SGSM1: variants seen among roughly 807,000 people sequenced by gnomAD.
The protein encoded by SGSM1 is small G protein signaling modulator 1.
A neutral mutation model predicts 133.8 loss-of-function variants in SGSM1; 73 were observed. The observed-to-expected ratio is 0.55, with a 90% CI of 0.45 to 0.66. The LOEUF is 0.66. Ranked by LOEUF, SGSM1 falls within the 30% of genes least tolerant of loss-of-function variation. The pLI is 0.00. For missense variants in SGSM1, 1,213 were observed against 1,448.1 expected, an observed-to-expected ratio of 0.84 and a Z score of 2.64; for synonymous variants, 563 against 573.0, an observed-to-expected ratio of 0.98 and a Z score of 0.25.
At chr22:24,902,973 T>C (rs949004689) in intron 20 of SGSM1, among the ~76,000 whole-genome samples, 7 of 151,804 alleles carry the variant, frequency 4.6e-5, no homozygotes, top group Admixed American at 1.3e-4. Context: ...ACCTGGGAGG[T>C]TGAGGCAACA....
At chr22:24,887,328 T>C (rs1489600548) in intron 16 of SGSM1, among the ~76,000 whole-genome samples, 1 of 152,174 alleles carries the variant, frequency 6.6e-6, no homozygotes, top group Non-Finnish European at 1.5e-5. Flanking sequence ...TTTTGTCATC[T>C]CAAGAATGTT....
chr22:24,908,639 A>G (rs1196483340), intron 21 of SGSM1, among the ~76,000 whole-genome samples: 1 of 151,980 alleles, frequency 6.6e-6, no homozygotes, highest in Non-Finnish European at 1.5e-5. Flanking sequence ...TGTCTCTACT[A>G]AAAATACAAA....
rs1047549309 is a variant in SGSM1 at position 24,924,873 on chromosome 22, C to T, written c.*599C>T. ...GGGCCTCACCAGATGCCAGTAGTGC[C>T]ATCCCCCAACCATACCCCTGGTTGT... On this transcript the variant is annotated 3_prime_UTR_variant, in exon 25 of 25. Transcript: ENST00000400358. The T allele has an allele frequency of 2.0e-5, 3 of 152,854 alleles. No individual in the cohort carries two copies. Among genetic ancestry groups the T allele is most frequent in the African/African-American group, 7.2e-5 (3 of 41,448 alleles). The allele number at this position is 152,854 out of a possible 1,614,324, so 9.5% of individuals were successfully genotyped here. A position where few individuals can be genotyped will look rare whatever the true frequency, so the allele number is the denominator to read the frequency against.
At chr22:24,828,663 C>T (rs1471084765) in intron 2 of SGSM1, among the ~76,000 whole-genome samples, 3 of 152,094 alleles carry the variant, frequency 2.0e-5, no homozygotes, top group African/African-American at 7.2e-5. Context: ...TGGAAGACAG[C>T]AATAATTCCT....
intron 2 of SGSM1, among the ~76,000 whole-genome samples, chr22:24,816,194 C>T (rs918261390): frequency 1.3e-4 from 20 of 152,212 alleles, no homozygotes; most frequent in East Asian, 5.8e-4. Context: ...ACAGTAGGTA[C>T]GAGTAGCAAC....
At chr22:24,896,033 A>G (rs970321284) in intron 18 of SGSM1, among the ~76,000 whole-genome samples, 3 of 152,154 alleles carry the variant, frequency 2.0e-5, no homozygotes, top group African/African-American at 7.2e-5. Flanking sequence ...TGGGTGACAG[A>G]GTGAAACCCT....
intron 17 of SGSM1, among the ~76,000 whole-genome samples, chr22:24,893,979 C>T (rs899887667): frequency 2.0e-5 from 3 of 152,246 alleles, no homozygotes; most frequent in Admixed American, 2.0e-4. Context: ...TATTGAGTAT[C>T]TACTATGTGC....
intron 24 of SGSM1, among the ~76,000 whole-genome samples, chr22:24,922,747 A>T (rs1934057771): frequency 6.6e-6 from 1 of 152,162 alleles, no homozygotes; most frequent in African/African-American, 2.4e-5. Flanking sequence ...AAGTTCTGGG[A>T]TTACAGGCGT....
chr22:24,881,410 C>A (rs1379504416), intron 14 of SGSM1, among the ~76,000 whole-genome samples: 1 of 135,034 alleles, frequency 7.4e-6, no homozygotes, highest in Non-Finnish European at 1.6e-5. Flanking sequence ...ACTAAAAATA[C>A]AAAAAATTAG....
At chr22:24,860,108 T>A (rs1931041843) in intron 9 of SGSM1, among the ~76,000 whole-genome samples, 1 of 152,084 alleles carries the variant, frequency 6.6e-6, no homozygotes, top group Admixed American at 6.6e-5. Flanking sequence ...GAGGGAGACA[T>A]CTTTATAGAG....
At chr22:24,861,520 AATTTTATTTATTTATATTTT>A (rs1435797438) in intron 9 of SGSM1, among the ~76,000 whole-genome samples, 3 of 151,554 alleles carry the variant, frequency 2.0e-5, no homozygotes, top group South Asian at 2.1e-4. Flanking sequence ...TAAACATTTT[AATTTTATTTATTTATATTTT>A]ATTTTATTTA....
chr22:24,880,056 G>C (rs1162242700), intron 14 of SGSM1, among the ~76,000 whole-genome samples: 4 of 152,090 alleles, frequency 2.6e-5, no homozygotes, highest in Admixed American at 2.0e-4. Context: ...ACTTGCCTAA[G>C]GTCACACAGC....
In SGSM1 at chr22:24,919,972, G is replaced by T. The variant is rs773450947; in HGVS notation, c.3172G>T (p.Asp1058Tyr). ...IILENNMDFT[D>Y]IIKFFNEMAE... ...TTTGGAGAACAACATGGATTTCACA[G>T]ACATCATCAAATTCTTTAATGGTAC... Residue 1058 changes from aspartate (D) to tyrosine (Y), a missense_variant, in exon 24 of 25, where the codon GAC (aspartate) becomes TAC (tyrosine). Asp to Tyr is a radical substitution (Grantham distance 160). Transcript: ENST00000400358. 158 of 1,608,962 alleles carry T rather than the reference G, an allele frequency of 9.8e-5. No individual in the cohort carries two copies. Among genetic ancestry groups the T allele is most frequent in the Non-Finnish European group, 1.3e-4 (153 of 1,177,626 alleles).
In SGSM1 at chr22:24,898,177, G is replaced by T. The variant is rs776810655; in HGVS notation, c.2228G>T (p.Arg743Leu). The change falls in exon 19 of 25, where the codon CGG becomes CTG. Residue 743 changes from arginine to leucine, a missense_variant. Arg to Leu is a moderately radical substitution (Grantham distance 102). Transcript: ENST00000400358. ...GAAGACAGTGTCTTGGACGCCCAGC[G>T]GAACACCCCCACGGTGCTGCGACCT... ...STEDSVLDAQRNTPTVLRPRD... is the reference protein window; with the variant it reads ...STEDSVLDAQLNTPTVLRPRD... The T allele has an allele frequency of 3.7e-6, 6 of 1,613,984 alleles. No individual in the cohort carries two copies. The highest frequency in any genetic ancestry group is 5.1e-6 in the Non-Finnish European group (6 of 1,179,878).
chr22:24,919,129 G>A (rs8136124), intron 23 of SGSM1, among the ~76,000 whole-genome samples: 43,047 of 144,046 alleles, frequency 0.3, 6,966 homozygotes, highest in East Asian at 0.69. Context: ...GCTTACTGCA[G>A]CCTCCACTTC....
intron 2 of SGSM1, among the ~76,000 whole-genome samples, chr22:24,810,585 A>G (rs1194421330): frequency 1.3e-5 from 2 of 152,198 alleles, no homozygotes; most frequent in East Asian, 1.9e-4. Flanking sequence ...AATGGAAGCA[A>G]AGTGACTAAC....
rs1932476017 is a variant in SGSM1 at position 24,884,101 on chromosome 22, C to T, written c.1544C>T (p.Ala515Val). The T allele has an allele frequency of 6.2e-7, 1 of 1,613,716 alleles. No individual in the cohort carries two copies. The highest frequency in any genetic ancestry group is 1.3e-5 in the African/African-American group (1 of 75,028). ...TCCACCGTGAGAACCCACCTATCAGCCCTGGTCAATCACATGATCGTGTCT... is the reference window on the plus strand; with the variant it reads ...TCCACCGTGAGAACCCACCTATCAGTCCTGGTCAATCACATGATCGTGTCT... ...HLSTVRTHLSALVNHMIVSPD... is the reference protein window; with the variant it reads ...HLSTVRTHLSVLVNHMIVSPD... Residue 515 changes from alanine to valine, a missense_variant, in exon 15 of 25, where the codon GCC becomes GTC. Ala to Val is a moderately conservative substitution (Grantham distance 64, BLOSUM62 0). Coordinates refer to ENST00000400358, the MANE Select transcript of SGSM1 (RefSeq NM_001098497.3).
chr22:24,897,655 G>C (rs537345889), intron 18 of SGSM1, among the ~76,000 whole-genome samples: 1 of 152,192 alleles, frequency 6.6e-6, no homozygotes, highest in South Asian at 2.1e-4. Flanking sequence ...TTTTTGCAGA[G>C]ACCAGGTTTC....
chr22:24,910,360 TA>T (rs111564305), intron 21 of SGSM1, among the ~76,000 whole-genome samples: 6 of 152,150 alleles, frequency 3.9e-5, no homozygotes, highest in African/African-American at 9.6e-5. Flanking sequence ...ATAAACCTGT[TA>T]AAAAAATGGG....
Sources: gnomAD v4.1 joint callset for allele counts (sites outside exome capture counted in the v4.1 genomes callset) on GRCh38, gnomAD v4.1.1 for gene constraint, MANE v1.5 for transcripts, NCBI Gene and HGNC (gene_info 2026-07-23, HGNC 2026-07-21) for gene names.